Variants in PTPRG observed in about 807,000 individuals in gnomAD.
PTPRG encodes the protein protein tyrosine phosphatase receptor type G.
Under a neutral mutation model 165.3 loss-of-function variants are expected in PTPRG, and 102 were observed. That is an observed-to-expected ratio of 0.62 (90% CI 0.53 to 0.73). PTPRG has a LOEUF of 0.73. Ranked by LOEUF, PTPRG falls within the 30% of genes least tolerant of loss-of-function variation. The pLI is 0.00. For missense variants in PTPRG, 1,866 were observed against 1,861.4 expected, an observed-to-expected ratio of 1.00 and a Z score of -0.05; for synonymous variants, 675 against 669.5, an observed-to-expected ratio of 1.01 and a Z score of -0.13.
At chr3:61,685,132 T>A (rs186833577) in intron 1 of PTPRG, among the ~76,000 whole-genome samples, 15 of 152,192 alleles carry the variant, frequency 9.9e-5, no homozygotes, top group Admixed American at 9.8e-4. Context: ...GTTATGAGGA[T>A]TAAACGAGAT....
Position 62,003,497 on chromosome 3 carries a change from G to C in PTPRG, c.519G>C (p.Glu173Asp). Residue 173 changes from glutamate to aspartate, a missense_variant and splice_region_variant, in exon 4 of 30, where the codon GAG (glutamate) becomes GAC (aspartate). Around this residue, in one of 3 missense-constraint regions of PTPRG, gnomAD observed 408 missense variants for 376.2 expected, o/e 1.08. Coordinates refer to ENST00000474889, the MANE Select transcript of PTPRG (RefSeq NM_002841.4). ...HSINGRRFPV[E>D]MQIFFYNPDD... ...TCAATGGCAGGAGGTTTCCTGTTGA[G>C]GTGAGAGAAAGTCAAGATCTCAACG... 6.2e-7 allele frequency: 1 copy of C among 1,613,584 alleles called. No homozygotes were observed. Among genetic ancestry groups the C allele is most frequent in the Non-Finnish European group, 8.5e-7 (1 of 1,179,782 alleles).
chr3:61,860,845 G>T (rs184814565), intron 2 of PTPRG, among the ~76,000 whole-genome samples: 1 of 152,148 alleles, frequency 6.6e-6, no homozygotes, highest in Non-Finnish European at 1.5e-5. Flanking sequence ...GGGTGTGTGT[G>T]TATTAAGTTC....
chr3:62,118,300 T>C (rs1702937409), intron 5 of PTPRG: 2 of 152,172 alleles, frequency 1.3e-5, no homozygotes, highest in Admixed American at 6.5e-5. Flanking sequence ...TGTAAATGAG[T>C]GGACCTGACT....
chr3:61,584,043 G>C (rs911026443), intron 1 of PTPRG, among the ~76,000 whole-genome samples: 1 of 152,150 alleles, frequency 6.6e-6, no homozygotes, highest in Non-Finnish European at 1.5e-5. Flanking sequence ...TCTTTGTTTG[G>C]TTTTTCGAGT....
chr3:61,592,557 T>A (rs1307657619), intron 1 of PTPRG, among the ~76,000 whole-genome samples: 3 of 152,166 alleles, frequency 2.0e-5, no homozygotes, highest in African/African-American at 7.2e-5. Flanking sequence ...AAGTTTAGCC[T>A]AATCAAAATA....
At chr3:61,700,600 T>A (rs1429241927) in intron 1 of PTPRG, among the ~76,000 whole-genome samples, 2 of 152,226 alleles carry the variant, frequency 1.3e-5, no homozygotes, top group South Asian at 4.1e-4. Context: ...AGTGAAGATA[T>A]GAGTATGTAT....
chr3:61,842,255 C>T (rs1047251224), intron 2 of PTPRG, among the ~76,000 whole-genome samples: 3 of 152,136 alleles, frequency 2.0e-5, no homozygotes, highest in South Asian at 2.1e-4. Context: ...GCAGCAATAA[C>T]GTTTCTTATT....
At chr3:62,180,859 C>A (rs941761298) in intron 8 of PTPRG, among the ~76,000 whole-genome samples, 5 of 152,172 alleles carry the variant, frequency 3.3e-5, no homozygotes, top group Admixed American at 6.5e-5. Context: ...GAAGTCGAAA[C>A]CAGTGCTTGA....
intron 7 of PTPRG, among the ~76,000 whole-genome samples, chr3:62,161,162 G>A (rs1704746278): frequency 6.6e-6 from 1 of 152,142 alleles, no homozygotes; most frequent in African/African-American, 2.4e-5. Context: ...TGTATAAAAT[G>A]CTTAGACTAG....
At chr3:61,699,788 A>T (rs1417767424) in intron 1 of PTPRG, among the ~76,000 whole-genome samples, 3 of 152,352 alleles carry the variant, frequency 2.0e-5, no homozygotes, top group East Asian at 1.9e-4. Flanking sequence ...AAGGGAACAA[A>T]AGAAGCTAGC....
intron 1 of PTPRG, among the ~76,000 whole-genome samples, chr3:61,639,330 A>G (rs1702002331): frequency 6.6e-6 from 1 of 152,188 alleles, no homozygotes; most frequent in East Asian, 1.9e-4. Context: ...ATAGTTTAAA[A>G]TTAAGTAATG....
chr3:61,651,889 A>G (rs1215542428), intron 1 of PTPRG, among the ~76,000 whole-genome samples: 1 of 152,132 alleles, frequency 6.6e-6, no homozygotes, highest in African/African-American at 2.4e-5. Context: ...ACACACCTGT[A>G]GTCCCAGTTA....
intron 1 of PTPRG, among the ~76,000 whole-genome samples, chr3:61,590,823 A>G (rs1320311739): frequency 6.6e-6 from 1 of 152,152 alleles, no homozygotes; most frequent in African/African-American, 2.4e-5. Context: ...ATTGTTGAAA[A>G]TATGTTGCAG....
chr3:62,290,719 A>C (rs1270261255), intron 28 of PTPRG, among the ~76,000 whole-genome samples: 1 of 152,158 alleles, frequency 6.6e-6, no homozygotes, highest in Non-Finnish European at 1.5e-5. Context: ...CTGGTTATCC[A>C]ATGGAAAAAT....
chr3:62,095,060 G>T (rs1167071384), intron 5 of PTPRG, among the ~76,000 whole-genome samples: 1 of 152,178 alleles, frequency 6.6e-6, no homozygotes, highest in African/African-American at 2.4e-5. Flanking sequence ...AGGGTTTTCT[G>T]TCAGGCAAAC....
intron 14 of PTPRG, among the ~76,000 whole-genome samples, chr3:62,239,639 C>T (rs987550313): frequency 2.0e-5 from 3 of 152,026 alleles, no homozygotes; most frequent in Non-Finnish European, 4.4e-5. Context: ...GGATTACAGG[C>T]GTGAGTCACT....
At chr3:61,721,671 T>A (rs1012673172) in intron 1 of PTPRG, among the ~76,000 whole-genome samples, 1 of 152,028 alleles carries the variant, frequency 6.6e-6, no homozygotes, top group African/African-American at 2.4e-5. Flanking sequence ...CCTGGAGAAC[T>A]TTTTTTTCCC....
At chr3:61,613,987 C>G (rs546081846) in intron 1 of PTPRG, among the ~76,000 whole-genome samples, 5 of 152,330 alleles carry the variant, frequency 3.3e-5, no homozygotes, top group South Asian at 4.1e-4. Context: ...AAATTTACTG[C>G]TATTGACTTG....
chr3:62,082,521 G>T (rs1575980458), intron 5 of PTPRG, among the ~76,000 whole-genome samples: 1 of 152,196 alleles, frequency 6.6e-6, no homozygotes, highest in Admixed American at 6.5e-5. Context: ...TCTTGATGAT[G>T]TAGCAGTAAT....
Sources: gnomAD v4.1 joint callset for allele counts (sites outside exome capture counted in the v4.1 genomes callset) on GRCh38, gnomAD v4.1.1 for gene constraint, gnomAD v4.1.1 regional missense constraint, MANE v1.5 for transcripts, NCBI Gene and HGNC (gene_info 2026-07-23, HGNC 2026-07-21) for gene names.